Variants in MATR3 observed in about 807,000 individuals in gnomAD.
MATR3 encodes matrin 3, also known as matrin-3.
A neutral mutation model predicts 85.5 loss-of-function variants in MATR3; 4 were observed. That is an observed-to-expected ratio of 0.05 (90% confidence interval 0.02 to 0.11). MATR3 has a LOEUF of 0.11. Ranked by LOEUF, MATR3 falls within the 10% of genes least tolerant of loss-of-function variation. MATR3 has a pLI of 1.00. For synonymous variants in MATR3, 336 were observed against 343.1 expected (o/e 0.98, Z 0.23); for missense variants, 685 against 1,016.1 (o/e 0.67, Z 4.43).
intron 1 of MATR3, among the ~76,000 whole-genome samples, chr5:139,275,524 T>C (rs1753243459): frequency 6.6e-6 from 1 of 152,148 alleles, no homozygotes; most frequent in Admixed American, 6.5e-5. Flanking sequence ...ATCTAAGCCT[T>C]TTTTGGAATG....
intron 14 of MATR3, among the ~76,000 whole-genome samples, chr5:139,329,018 T>A (rs1386807605): frequency 6.6e-6 from 1 of 151,944 alleles, no homozygotes. Flanking sequence ...AAAAAAAGAA[T>A]AAAAGTGCAT....
chr5:139,319,935 T>TTGCTTTTC (rs1180390736), intron 9 of MATR3, among the ~76,000 whole-genome samples: 1 of 144,868 alleles, frequency 6.9e-6, no homozygotes, highest in African/African-American at 2.6e-5. Flanking sequence ...GACTAGTTGT[T>TTGCTTTTC]TGCTTTTCTT....
At chr5:139,320,743 C>CTTTTTTTT (rs1175972721) in intron 9 of MATR3, among the ~76,000 whole-genome samples, 18 of 102,420 alleles carry the variant, frequency 1.8e-4, no homozygotes, top group African/African-American at 4.8e-4. Context: ...AAGCTTATTA[C>CTTTTTTTT]TTTTTTTTTT....
Position 139,331,186 on chromosome 5 carries a change from A to G in MATR3, c.*1791A>G, listed in dbSNP as rs144515208. 12 of 454,154 alleles carry G rather than the reference A, an allele frequency of 2.6e-5. No individual in the cohort carries two copies. The East Asian group carries it at 6.2e-4, about 24-fold the overall frequency. The allele number at this position is 454,154 out of a possible 1,614,324, so 28.1% of individuals were successfully genotyped here. ...CCCAGTTTATTAAAGGATACTTCAA[A>G]TAGTTGGCTAAATTTTATGATCTCT... On this transcript the variant is annotated 3_prime_UTR_variant, in exon 15 of 15. Coordinates refer to ENST00000394805, the MANE Select transcript of MATR3 (RefSeq NM_018834.6).
chr5:139,297,540 G>A (rs899177126), intron 1 of MATR3, among the ~76,000 whole-genome samples: 2 of 152,196 alleles, frequency 1.3e-5, no homozygotes, highest in Admixed American at 1.3e-4. Context: ...TTGAGTATAA[G>A]TGTTAGGTTT....
At chr5:139,290,284 C>T (rs1366974579), upstream of MATR3, among the ~76,000 whole-genome samples, 1 of 151,440 alleles carries the variant, frequency 6.6e-6, no homozygotes, top group South Asian at 2.1e-4. Flanking sequence ...GCTGGGATTA[C>T]AGGCGAGCGC....
At chr5:139,302,250 C>G (rs571276465) in intron 1 of MATR3, among the ~76,000 whole-genome samples, 1 of 152,270 alleles carries the variant, frequency 6.6e-6, no homozygotes, top group African/African-American at 2.4e-5. Context: ...GTGTGAGCCA[C>G]TGCGCCTGGC....
Position 139,322,901 on chromosome 5 carries a change from A to G in MATR3, c.2082A>G (p.Glu694=). The stretch of plus-strand genomic sequence containing the variant: ...ATGTGGCTTCTGATGGGAAAAAGGA[A>G]CCATCAGATAAAGCTGTGAAAAAAG... ...LGDVASDGKK[E]PSDKAVKKDG... Residue 694 remains glutamate (E), a synonymous_variant, in exon 12 of 15, where the codon GAA becomes GAG. Coordinates refer to ENST00000394805, the MANE Select transcript of MATR3 (RefSeq NM_018834.6). 2 of 1,613,972 alleles carry G rather than the reference A, an allele frequency of 1.2e-6. No homozygotes were observed. Among genetic ancestry groups the G allele is most frequent in the Non-Finnish European group, 1.7e-6 (2 of 1,179,962 alleles).
intron 14 of MATR3, among the ~76,000 whole-genome samples, chr5:139,327,984 C>T (rs945539925): frequency 1.3e-5 from 2 of 151,942 alleles, no homozygotes; most frequent in African/African-American, 4.8e-5. Context: ...GCCTCAGGCT[C>T]CCGAGTAGCT....
At chr5:139,303,459 C>T (rs988905712) in intron 1 of MATR3, among the ~76,000 whole-genome samples, 3 of 152,112 alleles carry the variant, frequency 2.0e-5, no homozygotes, top group Non-Finnish European at 4.4e-5. Context: ...GCTGAAGATC[C>T]ATGTGGAGTA....
chr5:139,329,673 C>T lies in MATR3; in HGVS notation c.*278C>T, dbSNP rs1410559510. ...AAGCTACTTAAGACAACTTGCACCA[C>T]TAAGAAAAAAATGTAGAACCATTTG... On this transcript the variant is annotated 3_prime_UTR_variant, in exon 15 of 15. Coordinates refer to ENST00000394805, the MANE Select transcript of MATR3 (RefSeq NM_018834.6). 2.1e-6 allele frequency: 1 copy of T among 487,708 alleles called. No homozygotes were observed. The highest frequency in any genetic ancestry group is 4.0e-6 in the Non-Finnish European group (1 of 250,180). 30.2% of individuals were successfully genotyped at this position (487,708 alleles called of 1,614,324 possible).
intron 1 of MATR3, chr5:139,300,093 G>T (rs746890972): frequency 3.3e-5 from 5 of 152,148 alleles, no homozygotes; most frequent in Non-Finnish European, 7.3e-5. Flanking sequence ...GTTACTACCA[G>T]TTGGCTCACA....
chr5:139,279,271 C>T, intron 3 of MATR3: 1 of 424,026 alleles, frequency 2.4e-6, no homozygotes. Context: ...CTCAGTTGCC[C>T]AGGCTAGAGT....
chr5:139,301,886 C>G (rs1302975977), intron 1 of MATR3, among the ~76,000 whole-genome samples: 1 of 152,138 alleles, frequency 6.6e-6, no homozygotes, highest in Non-Finnish European at 1.5e-5. Flanking sequence ...ATTTCTTACA[C>G]TGGTTAACAA....
intron 2 of MATR3, among the ~76,000 whole-genome samples, chr5:139,278,116 C>T (rs1464077390): frequency 6.6e-6 from 1 of 151,772 alleles, no homozygotes; most frequent in Admixed American, 6.6e-5. Context: ...ACCTGTAGTC[C>T]CAGCTGCTTG....
chr5:139,317,137 T>A, intron 6 of MATR3, 32 bp downstream of exon 6: 1 of 1,606,014 alleles, frequency 6.2e-7, no homozygotes, highest in Non-Finnish European at 8.5e-7. Flanking sequence ...TTTACTGTAT[T>A]TATGATTTTT....
In MATR3 at chr5:139,329,372, C is replaced by T. The variant is rs781050726; in HGVS notation, c.2521C>T (p.Arg841Cys). The T allele has an allele frequency of 3.3e-4, 535 of 1,611,740 alleles. No homozygotes were observed. Among genetic ancestry groups the T allele is most frequent in the Non-Finnish European group, 4.3e-4 (504 of 1,178,432 alleles). The change falls in exon 15 of 15, where the codon CGC becomes TGC. Residue 841 changes from arginine to cysteine, a missense_variant. Coordinates refer to ENST00000394805, the MANE Select transcript of MATR3 (RefSeq NM_018834.6). Reference protein sequence around the residue: ...KKFLNKLAEERRQKKET With the variant: ...KKFLNKLAEECRQKKET Reference sequence around the variant, plus strand: ...ATTTCTGAATAAATTGGCAGAAGAACGCAGACAGAAGAAGGAAACTTAAGA... The same window carrying T: ...ATTTCTGAATAAATTGGCAGAAGAATGCAGACAGAAGAAGGAAACTTAAGA...
At chr5:139,278,752 A>G (rs756462888) in intron 2 of MATR3, 1 of 499,024 alleles carries the variant, frequency 2.0e-6, no homozygotes, top group Non-Finnish European at 4.1e-6. Flanking sequence ...TATCTGAAAC[A>G]AATAATGAGA....
intron 5 of MATR3, among the ~76,000 whole-genome samples, chr5:139,316,576 C>T (rs1051372342): frequency 6.6e-6 from 1 of 151,930 alleles, no homozygotes; most frequent in Non-Finnish European, 1.5e-5. Context: ...TAGACAGATT[C>T]TCACTCCGTC....
Sources: allele counts gnomAD v4.1 joint callset (sites outside exome capture counted in the v4.1 genomes callset), GRCh38; gene constraint gnomAD v4.1.1; transcripts MANE v1.5; gene names NCBI Gene and HGNC (gene_info 2026-07-23, HGNC 2026-07-21).